The following LRRTM4 variants were observed in gnomAD, a reference collection of about 807,000 sequenced individuals.
The protein encoded by LRRTM4 is leucine rich repeat transmembrane neuronal 4.
In LRRTM4, 25 loss-of-function variants were observed where a neutral mutation model predicts 47.6. The ratio of observed to expected loss-of-function variants is 0.53; its 90% confidence interval spans 0.38 to 0.73. The LOEUF (loss-of-function observed/expected upper bound fraction) is 0.73, where lower values mean the gene tolerates loss of function less well. LRRTM4 is among the 30% of genes least tolerant of loss of function. The probability of loss-of-function intolerance (pLI) is 0.00; values close to 1 mark genes in which losing one functional copy is unlikely to be tolerated. For synonymous variants in LRRTM4, 311 were observed against 269.5 expected (o/e 1.15, Z -1.51); for missense variants, 638 against 713.4 (o/e 0.89, Z 1.20).
intron 3 of LRRTM4, among the ~76,000 whole-genome samples, chr2:77,358,609 A>T (rs1251654547): frequency 2.6e-5 from 4 of 152,230 alleles, no homozygotes; most frequent in Non-Finnish European, 5.9e-5. Flanking sequence ...TAATAAGATA[A>T]TTATTAGATG....
chr2:76,873,808 C>T (rs1023395043), intron 3 of LRRTM4, among the ~76,000 whole-genome samples: 4 of 151,486 alleles, frequency 2.6e-5, no homozygotes, highest in Non-Finnish European at 4.4e-5. Context: ...TATCTCAATC[C>T]TGATGCTAAT....
intron 3 of LRRTM4, among the ~76,000 whole-genome samples, chr2:77,279,477 G>T (rs947471121): frequency 1.3e-5 from 2 of 151,686 alleles, no homozygotes; most frequent in African/African-American, 4.8e-5. Flanking sequence ...TTCCATTGTG[G>T]TATTCAAAAG....
chr2:77,136,290 A>C (rs576656737), intron 3 of LRRTM4, among the ~76,000 whole-genome samples: 1 of 152,270 alleles, frequency 6.6e-6, no homozygotes, highest in African/African-American at 2.4e-5. Context: ...TTCCAGAAGA[A>C]CGATCAGGCA....
intron 3 of LRRTM4, among the ~76,000 whole-genome samples, chr2:76,848,685 A>T: frequency 6.6e-6 from 1 of 152,248 alleles, no homozygotes; most frequent in South Asian, 2.1e-4. Flanking sequence ...ATAATTTATA[A>T]CAAGGATTTT....
intron 3 of LRRTM4, among the ~76,000 whole-genome samples, chr2:77,237,782 T>G (rs979076045): frequency 1.3e-5 from 2 of 152,146 alleles, no homozygotes; most frequent in Non-Finnish European, 2.9e-5. Context: ...AGATCATTCC[T>G]TACTATACAA....
At chr2:77,069,790 G>T (rs1374084100) in intron 3 of LRRTM4, among the ~76,000 whole-genome samples, 1 of 152,076 alleles carries the variant, frequency 6.6e-6, no homozygotes, top group Non-Finnish European at 1.5e-5. Context: ...GGAATATATA[G>T]TAGTTTTACA....
At chr2:76,832,618 T>C (rs1375825536) in intron 3 of LRRTM4, among the ~76,000 whole-genome samples, 2 of 152,090 alleles carry the variant, frequency 1.3e-5, no homozygotes, top group East Asian at 1.9e-4. Context: ...TAAAGAAAGA[T>C]TGTTAAAATG....
intron 3 of LRRTM4, among the ~76,000 whole-genome samples, chr2:76,755,368 T>C (rs2104065383): frequency 6.6e-6 from 1 of 152,266 alleles, no homozygotes; most frequent in South Asian, 2.1e-4. Flanking sequence ...AAAAGTTAAC[T>C]GTTCTGTATT....
At chr2:77,066,932 A>T (rs1277717591) in intron 3 of LRRTM4, among the ~76,000 whole-genome samples, 2 of 152,204 alleles carry the variant, frequency 1.3e-5, no homozygotes, top group Non-Finnish European at 2.9e-5. Flanking sequence ...CAGGCCATGA[A>T]GTGATCACAA....
At chr2:77,415,476 T>G (rs1293764869) in intron 3 of LRRTM4, among the ~76,000 whole-genome samples, 2 of 152,156 alleles carry the variant, frequency 1.3e-5, no homozygotes, top group East Asian at 3.8e-4. Context: ...CATATAGCCT[T>G]CTTAAATTCC....
At chr2:77,090,656 T>G (rs1670586355) in intron 3 of LRRTM4, among the ~76,000 whole-genome samples, 4 of 152,106 alleles carry the variant, frequency 2.6e-5, no homozygotes, top group Admixed American at 2.6e-4. Context: ...TTGCTACAAG[T>G]GCCAGAAATC....
At chr2:76,958,774 A>C (rs188624086) in intron 3 of LRRTM4, among the ~76,000 whole-genome samples, 1 of 151,774 alleles carries the variant, frequency 6.6e-6, no homozygotes, top group African/African-American at 2.4e-5. Context: ...TAGAATTACC[A>C]TAAAGTGTGT....
intron 3 of LRRTM4, among the ~76,000 whole-genome samples, chr2:76,761,632 G>C (rs1303198428): frequency 6.6e-6 from 1 of 152,124 alleles, no homozygotes; most frequent in Non-Finnish European, 1.5e-5. Context: ...TACTGAGATG[G>C]TAGTAATAGC....
chr2:77,232,588 C>T (rs1056269929), intron 3 of LRRTM4, among the ~76,000 whole-genome samples: 5 of 152,236 alleles, frequency 3.3e-5, no homozygotes, highest in Admixed American at 2.0e-4. Flanking sequence ...TACTTTAATC[C>T]GAACTTCTTT....
chr2:77,078,380 C>CCACACA (rs59703273), intron 3 of LRRTM4, among the ~76,000 whole-genome samples: 27 of 139,348 alleles, frequency 1.9e-4, no homozygotes, highest in African/African-American at 3.6e-4. Flanking sequence ...ACACACACAC[C>CCACACA]CACACACACA....
chr2:77,479,477 T>C (rs1347593109), intron 3 of LRRTM4, among the ~76,000 whole-genome samples: 17 of 152,230 alleles, frequency 1.1e-4, no homozygotes, highest in Non-Finnish European at 1.2e-4. Flanking sequence ...CGTCAGGGTT[T>C]ACCGGACAGT....
intron 3 of LRRTM4, among the ~76,000 whole-genome samples, chr2:76,846,146 TC>T (rs1671831040): frequency 6.6e-6 from 1 of 152,086 alleles, no homozygotes; most frequent in African/African-American, 2.4e-5. Flanking sequence ...GGCTTGCTAT[TC>T]CTATGGGATC....
rs386390525 is a variant in LRRTM4, at chr2:77,083,783, CTTTTTTTTTTTTTTTTTTTT to C, written c.1552-334887_1552-334868del. Among the ~76,000 whole-genome samples the C allele has an allele frequency of 1.6e-3, 86 of 52,398 alleles. 1 individual carries two copies. The highest frequency in any genetic ancestry group is 2.4e-3 in the Non-Finnish European group (57 of 23,548). The allele number at this position is 52,398 out of a possible 152,430, so 34.4% of individuals were successfully genotyped here. Reference sequence around the variant, plus strand: ...ACTTCTCAATTTTTAACTGGACACACTTTTTTTTTTTTTTTTTTTTTTTTTTTTTTTTTTTTTTTCAGACG... The same window carrying C: ...ACTTCTCAATTTTTAACTGGACACACTTTTTTTTTTTTTTTTTTTCAGACG... On this transcript the variant is annotated intron_variant, in intron 3 of 3. Transcript: ENST00000409884.
chr2:76,843,980 C>A (rs1031329849), intron 3 of LRRTM4, among the ~76,000 whole-genome samples: 7 of 149,948 alleles, frequency 4.7e-5, no homozygotes, highest in Non-Finnish European at 7.4e-5. Flanking sequence ...CGGCTCACTG[C>A]AAGCTCTGCC....
Sources: allele counts gnomAD v4.1 joint callset (sites outside exome capture counted in the v4.1 genomes callset), GRCh38; gene constraint gnomAD v4.1.1; transcripts MANE v1.5; gene names NCBI Gene and HGNC (gene_info 2026-07-23, HGNC 2026-07-21).